PPP1R3B: variants seen among roughly 807,000 people sequenced by gnomAD.
PPP1R3B encodes the protein PP1 subunit R4.
A neutral mutation model predicts 14.6 loss-of-function variants in PPP1R3B; 8 were observed. The observed-to-expected ratio is 0.55, with a 90% CI of 0.32 to 0.99. The LOEUF (loss-of-function observed/expected upper bound fraction) is 0.99, where lower values mean the gene tolerates loss of function less well. Ranked by LOEUF, PPP1R3B falls within the 50% of genes least tolerant of loss-of-function variation. PPP1R3B has a pLI of 0.04. For synonymous variants in PPP1R3B, 169 were observed against 142.0 expected (o/e 1.19, Z -1.35); for missense variants, 452 against 360.1 (o/e 1.26, Z -2.07).
intron 1 of PPP1R3B, chr8:9,141,870 T>G (rs1425459273): frequency 1.4e-5 from 1 of 71,626 alleles, no homozygotes. Flanking sequence ...GGGGACGAGA[T>G]GCGGTGGGGG....
chr8:9,142,724 T>A (rs556497872), intron 1 of PPP1R3B, among the ~76,000 whole-genome samples: 305 of 152,236 alleles, frequency 2.0e-3, no homozygotes, highest in African/African-American at 6.6e-3. Flanking sequence ...TTCTATGAGT[T>A]TGACTTTTTC....
rs1236021736 is a variant in PPP1R3B at position 9,139,869 on chromosome 8, A to C, written c.*925T>G. On this transcript the variant is annotated 3_prime_UTR_variant, in exon 2 of 2. Transcript: ENST00000310455. The stretch of plus-strand genomic sequence containing the variant: ...CGGCCCCAAAATTCTTTCATAAAGA[A>C]TGAGACAAACCAGCCAAGCACGTTA... 1 of 152,250 alleles carries C rather than the reference A, an allele frequency of 6.6e-6. No individual in the cohort carries two copies. The highest frequency in any genetic ancestry group is 1.5e-5 in the Non-Finnish European group (1 of 68,070). 9.4% of individuals were successfully genotyped at this position (152,250 alleles called of 1,614,324 possible).
intron 1 of PPP1R3B, 118 bp from the exon 2 acceptor site, chr8:9,141,786 C>T (rs954830645): frequency 1.0e-6 from 1 of 965,698 alleles, no homozygotes; most frequent in African/African-American, 1.7e-5. Context: ...TATCTATGCC[C>T]ACCTGGCTAC....
chr8:9,141,064 G>A lies in PPP1R3B; in HGVS notation c.588C>T (p.Ile196=). The A allele has an allele frequency of 1.2e-6, 2 of 1,614,188 alleles. No individual in the cohort carries two copies. Among genetic ancestry groups the A allele is most frequent in the Admixed American group, 3.3e-5 (2 of 60,018 alleles). Residue 196 remains isoleucine (I), a synonymous_variant, in exon 2 of 2, where the codon ATC becomes ATT. Transcript: ENST00000310455. The stretch of plus-strand genomic sequence containing the variant: ...AAGACTGAATCTTCTCGGGCAAGCT[G>A]ATGTCGAAGGAGAACGTGTCCCTGT... ...GSDRDTFSFD[I]SLPEKIQSYE...
intron 1 of PPP1R3B, among the ~76,000 whole-genome samples, chr8:9,145,904 G>A (rs1398705692): frequency 6.6e-6 from 1 of 151,744 alleles, no homozygotes; most frequent in East Asian, 1.9e-4. Flanking sequence ...GGATCTTGCT[G>A]TGTTGCCCAG....
intron 1 of PPP1R3B, among the ~76,000 whole-genome samples, chr8:9,148,832 A>G (rs115612119): frequency 0.019 from 2,875 of 152,238 alleles, 85 homozygotes; most frequent in African/African-American, 0.065. Context: ...TCTTTTTTGT[A>G]TCAGGGCCAC....
At position 9,141,098 on chromosome 8, in the gene PPP1R3B, G is replaced by A; in HGVS notation, c.554C>T (p.Ala185Val). 2 of 1,614,142 alleles carry A rather than the reference G, an allele frequency of 1.2e-6. No homozygotes were observed. The highest frequency in any genetic ancestry group is 1.1e-5 in the South Asian group (1 of 91,084). ...FPCQYVKDTY[A>V]GSDRDTFSFD... ...GGAGAACGTGTCCCTGTCTGAACCG[G>A]CATAAGTGTCCTTCACGTACTGACA... The change falls in exon 2 of 2, where the codon GCC becomes GTC. Residue 185 changes from alanine to valine, a missense_variant. By Grantham distance (64) the Ala-to-Val change is moderately conservative (BLOSUM62 0). Coordinates refer to ENST00000310455, the MANE Select transcript of PPP1R3B (RefSeq NM_024607.4).
At chr8:9,145,513 G>A (rs543921872) in intron 1 of PPP1R3B, 1 of 152,028 alleles carries the variant, frequency 6.6e-6, no homozygotes, top group Non-Finnish European at 1.5e-5. Flanking sequence ...TGTGTTAATC[G>A]ACTGTTGATG....
In PPP1R3B at chr8:9,136,981, G is replaced by C. The variant is rs1014891366; in HGVS notation, c.*3813C>G. 10 of 152,154 alleles carry C rather than the reference G, an allele frequency of 6.6e-5. No homozygotes were observed. Among genetic ancestry groups the C allele is most frequent in the Admixed American group, 2.0e-4 (3 of 15,264 alleles). 9.4% of individuals were successfully genotyped at this position (152,154 alleles called of 1,614,324 possible). A position where few individuals can be genotyped will look rare whatever the true frequency, so the allele number is the denominator to read the frequency against. On this transcript the variant is annotated 3_prime_UTR_variant, in exon 2 of 2. Transcript: ENST00000310455. ...AATGCCTTTTTTCAAAAAGAAAATG[G>C]TTTGAAAAGATCAAAACCACAGAGC...
intron 1 of PPP1R3B, among the ~76,000 whole-genome samples, chr8:9,143,991 T>C (rs1317096010): frequency 9.2e-5 from 14 of 151,746 alleles, no homozygotes; most frequent in Non-Finnish European, 2.9e-5. Flanking sequence ...AAAGCAATAA[T>C]AAAGTCAAAT....
At position 9,141,669 on chromosome 8, in the gene PPP1R3B, C is replaced by T. The variant is rs759897306; in HGVS notation, c.-17-1G>A. The T allele has an allele frequency of 5.6e-6, 9 of 1,603,226 alleles. No individual in the cohort carries two copies. The highest frequency in any genetic ancestry group is 7.7e-6 in the Non-Finnish European group (9 of 1,172,300). ...GCCATCATGGGGCTAGATGAACAGG[C>T]TAGAACCGTGGAAAGGGAAGAGAAG... On this transcript the variant is annotated splice_acceptor_variant, in intron 1 of 1. Transcript: ENST00000310455. LOFTEE classifies it low-confidence loss of function (5UTR_SPLICE).
At chr8:9,146,682 T>C (rs1801250658) in intron 1 of PPP1R3B, among the ~76,000 whole-genome samples, 1 of 152,174 alleles carries the variant, frequency 6.6e-6, no homozygotes, top group Non-Finnish European at 1.5e-5. Flanking sequence ...TTTTAAAGGA[T>C]ATCTGTCTCA....
chr8:9,136,266 C>T lies in PPP1R3B; in HGVS notation c.*4528G>A, dbSNP rs1800886306. 1 of 152,200 alleles carries T rather than the reference C, an allele frequency of 6.6e-6. No individual in the cohort carries two copies. The allele number at this position is 152,200 out of a possible 1,614,324, so 9.4% of individuals were successfully genotyped here. A position where few individuals can be genotyped will look rare whatever the true frequency, so the allele number is the denominator to read the frequency against. On this transcript the variant is annotated 3_prime_UTR_variant, in exon 2 of 2. Coordinates refer to ENST00000310455, the MANE Select transcript of PPP1R3B (RefSeq NM_024607.4). The stretch of plus-strand genomic sequence containing the variant: ...AAGGACACTTTCAGTTTTGTTTTGT[C>T]TTCCTTTATTACATTTTTGCTTTTG...
chr8:9,151,384 GCCCGCGGCAGCATACGC>G (rs1801428024), upstream of PPP1R3B: 1 of 156,248 alleles, frequency 6.4e-6, no homozygotes, highest in Non-Finnish European at 1.4e-5. Context: ...AGACGCGCCA[GCCCGCGGCAGCATACGC>G]CCTGGGGGAA....
chr8:9,141,676 C>T lies in PPP1R3B; in HGVS notation c.-17-8G>A. 2 of 1,600,736 alleles carry T rather than the reference C, an allele frequency of 1.2e-6. No homozygotes were observed. Among genetic ancestry groups the T allele is most frequent in the South Asian group, 1.1e-5 (1 of 90,588 alleles). On this transcript the variant is annotated splice_polypyrimidine_tract_variant and splice_region_variant and intron_variant, in intron 1 of 1. Transcript: ENST00000310455. ...TGGGGCTAGATGAACAGGCTAGAAC[C>T]GTGGAAAGGGAAGAGAAGAAAGAAA...
At chr8:9,142,912 A>T (rs949109437) in intron 1 of PPP1R3B, among the ~76,000 whole-genome samples, 1 of 152,188 alleles carries the variant, frequency 6.6e-6, no homozygotes, top group Non-Finnish European at 1.5e-5. Context: ...TCATCCAATG[A>T]TGGGCACTTA....
upstream of PPP1R3B, chr8:9,151,533 G>A (rs991224176): frequency 4.5e-6 from 1 of 223,562 alleles, no homozygotes; most frequent in Non-Finnish European, 9.1e-6. Flanking sequence ...GCAGTCACCC[G>A]GGACTCGAGC....
chr8:9,142,072 A>G (rs1435968505), intron 1 of PPP1R3B, among the ~76,000 whole-genome samples: 1 of 152,202 alleles, frequency 6.6e-6, no homozygotes, highest in Non-Finnish European at 1.5e-5. Context: ...GGTGTCTTCC[A>G]CAGATAGCTG....
chr8:9,141,981 C>T (rs1801106470), intron 1 of PPP1R3B, among the ~76,000 whole-genome samples: 1 of 152,120 alleles, frequency 6.6e-6, no homozygotes, highest in African/African-American at 2.4e-5. Flanking sequence ...TTGGGGCCTT[C>T]CGTTGGCAAA....
Sources: allele counts gnomAD v4.1 joint callset (sites outside exome capture counted in the v4.1 genomes callset), GRCh38; gene constraint gnomAD v4.1.1; transcripts MANE v1.5; gene names NCBI Gene and HGNC (gene_info 2026-07-23, HGNC 2026-07-21).